The following MAEL variants were observed in gnomAD, a reference collection of about 807,000 sequenced individuals.
MAEL encodes protein maelstrom homolog.
A neutral mutation model predicts 62.0 loss-of-function variants in MAEL; 46 were observed. That is an observed-to-expected ratio of 0.74 (90% CI 0.59 to 0.95). The LOEUF is 0.95. Ranked by LOEUF, MAEL falls within the 40% of genes least tolerant of loss-of-function variation. MAEL has a pLI of 0.00. For missense variants in MAEL, 497 were observed against 526.8 expected, an observed-to-expected ratio of 0.94 and a Z score of 0.55; for synonymous variants, 172 against 175.5, an observed-to-expected ratio of 0.98 and a Z score of 0.16.
At chr1:167,007,249 G>C (rs1223190618) in intron 8 of MAEL, among the ~76,000 whole-genome samples, 1 of 151,470 alleles carries the variant, frequency 6.6e-6, no homozygotes, top group Non-Finnish European at 1.5e-5. Context: ...TTATTTTTAT[G>C]ATCAAATTGT....
At chr1:166,994,430 C>T (rs1664321615) in intron 5 of MAEL, among the ~76,000 whole-genome samples, 1 of 151,998 alleles carries the variant, frequency 6.6e-6, no homozygotes, top group Non-Finnish European at 1.5e-5. Context: ...GTTAATACTT[C>T]AAAAATAAAA....
rs755363408 is a variant in MAEL at position 167,016,260 on chromosome 1, C to CT, written c.887dup (p.Leu296PhefsTer13). The CT allele has an allele frequency of 6.2e-7, 1 of 1,613,592 alleles. No individual in the cohort carries two copies. Among genetic ancestry groups the CT allele is most frequent in the African/African-American group, 1.3e-5 (1 of 74,988 alleles). Reference sequence around the variant, plus strand: ...GAAGAAAATGATATTCTCTTCTGTGCTTTAGCTGTTTGCAAGAAGATTGCG... The same window carrying CT: ...GAAGAAAATGATATTCTCTTCTGTGCTTTTAGCTGTTTGCAAGAAGATTGCG... On this transcript the variant is annotated frameshift_variant, in exon 9 of 12. Transcript: ENST00000367872. LOFTEE classifies it high-confidence loss of function.
chr1:166,994,750 ATC>A (rs1664341361), intron 5 of MAEL, among the ~76,000 whole-genome samples: 1 of 149,504 alleles, frequency 6.7e-6, no homozygotes, highest in Non-Finnish European at 1.5e-5. Context: ...GCTCACTGCA[ATC>A]TCTGCCTCCT....
intron 8 of MAEL, among the ~76,000 whole-genome samples, chr1:167,013,490 A>G: frequency 6.6e-6 from 1 of 152,218 alleles, no homozygotes; most frequent in East Asian, 1.9e-4. Context: ...TCTGGATGTA[A>G]TAATTTCATA....
intron 8 of MAEL, among the ~76,000 whole-genome samples, chr1:167,013,866 A>G (rs552881011): frequency 2.0e-5 from 3 of 152,342 alleles, no homozygotes; most frequent in Middle Eastern, 3.4e-3. Context: ...CTAAGGTACC[A>G]GCAGCCATTC....
At chr1:166,983,863 A>G (rs1324592239) in intron 1 of MAEL, among the ~76,000 whole-genome samples, 1 of 151,892 alleles carries the variant, frequency 6.6e-6, no homozygotes, top group African/African-American at 2.4e-5. Context: ...TTAGCTGGGC[A>G]TGGTGGCGCA....
chr1:167,013,233 T>C (rs1665243435), intron 8 of MAEL, among the ~76,000 whole-genome samples: 1 of 152,162 alleles, frequency 6.6e-6, no homozygotes, highest in Non-Finnish European at 1.5e-5. Context: ...GCACTGAAGA[T>C]ACAGTACAGG....
At chr1:166,976,715 C>T (rs1663593510) in intron 1 of MAEL, among the ~76,000 whole-genome samples, 1 of 152,080 alleles carries the variant, frequency 6.6e-6, no homozygotes, top group African/African-American at 2.4e-5. Context: ...CAGAGTGGTG[C>T]CAGGCTGGAG....
chr1:166,976,227 T>TG (rs1447753746), intron 1 of MAEL, among the ~76,000 whole-genome samples: 1 of 152,222 alleles, frequency 6.6e-6, no homozygotes, highest in Non-Finnish European at 1.5e-5. Context: ...CGCATTCACA[T>TG]GGATTATTCC....
At chr1:166,980,084 G>A (rs1025747328) in intron 1 of MAEL, among the ~76,000 whole-genome samples, 5 of 152,030 alleles carry the variant, frequency 3.3e-5, no homozygotes, top group Admixed American at 1.3e-4. Context: ...TGGTGCCATC[G>A]TAGCTCACTG....
chr1:166,985,819 G>A (rs1187840629), upstream of MAEL, among the ~76,000 whole-genome samples: 1 of 151,990 alleles, frequency 6.6e-6, no homozygotes, highest in African/African-American at 2.4e-5. Flanking sequence ...TCCATAAGAA[G>A]AAAAATCAAT....
intron 2 of MAEL, 97 bp downstream of exon 2, chr1:166,989,926 C>A: frequency 1.0e-6 from 1 of 975,904 alleles, no homozygotes; most frequent in Non-Finnish European, 1.5e-6. Context: ...GGGTGGACTG[C>A]TTTGGGGGTT....
chr1:167,011,609 C>T (rs775854239), intron 8 of MAEL, among the ~76,000 whole-genome samples: 30 of 152,088 alleles, frequency 2.0e-4, no homozygotes, highest in Non-Finnish European at 4.0e-4. Context: ...GATGCCAGTT[C>T]TTTCTTGATC....
chr1:166,991,267 T>C, intron 2 of MAEL, 111 bp from the exon 3 acceptor site: 3 of 691,068 alleles, frequency 4.3e-6, no homozygotes, highest in South Asian at 3.4e-5. Flanking sequence ...ACTGGATTCA[T>C]TGACCTTGGT....
chr1:166,996,649 T>C (rs566374222), intron 5 of MAEL, among the ~76,000 whole-genome samples: 7 of 152,356 alleles, frequency 4.6e-5, no homozygotes, highest in Admixed American at 2.0e-4. Flanking sequence ...CCCTTCCCTC[T>C]TTATGAGAAA....
At position 167,016,410 on chromosome 1, in the gene MAEL, G is replaced by A. The variant is rs1434828675; in HGVS notation, c.908+126G>A. On this transcript the variant is annotated intron_variant, in intron 9 of 11. Coordinates refer to ENST00000367872, the MANE Select transcript of MAEL (RefSeq NM_032858.3). ...TCCACAATGCTCTTTCAAAACAAAG[G>A]GGGTCAAATCAAAACTACAGTGAGA... 14 of 815,504 alleles carry A rather than the reference G, an allele frequency of 1.7e-5. No individual in the cohort carries two copies. In the East Asian group the frequency reaches 3.5e-4, roughly 21 times the overall value. 50.5% of individuals were successfully genotyped at this position (815,504 alleles called of 1,614,324 possible).
At chr1:167,009,644 G>GT (rs1340807719) in intron 8 of MAEL, among the ~76,000 whole-genome samples, 2 of 149,492 alleles carry the variant, frequency 1.3e-5, no homozygotes, top group Non-Finnish European at 3.0e-5. Flanking sequence ...ACTGTCTAAT[G>GT]TTTCTTCTTA....
chr1:167,009,931 G>C (rs1466076938), intron 8 of MAEL, among the ~76,000 whole-genome samples: 3 of 151,908 alleles, frequency 2.0e-5, no homozygotes, highest in East Asian at 1.9e-4. Flanking sequence ...CTCATTCAGG[G>C]TGTGTTTTTA....
intron 8 of MAEL, 183 bp downstream of exon 8, chr1:167,005,580 C>G (rs995917968): frequency 4.1e-6 from 2 of 485,070 alleles, no homozygotes; most frequent in Non-Finnish European, 7.2e-6. Flanking sequence ...TCACTAAAAA[C>G]AAACCTGCCA....
Sources: gnomAD v4.1 joint callset for allele counts (sites outside exome capture counted in the v4.1 genomes callset) on GRCh38, gnomAD v4.1.1 for gene constraint, MANE v1.5 for transcripts, NCBI Gene and HGNC (gene_info 2026-07-23, HGNC 2026-07-21) for gene names.